The following RASSF3 variants were observed in gnomAD, a reference collection of about 807,000 sequenced individuals.
The protein encoded by RASSF3 is ras association domain-containing protein 3.
In RASSF3, 19 loss-of-function variants were observed where a neutral mutation model predicts 19.9. The ratio of observed to expected loss-of-function variants is 0.96; its 90% CI spans 0.67 to 1.40. The LOEUF is 1.40. Among genes scored for constraint, RASSF3 ranks in the 40% most tolerant of loss-of-function variants. The pLI, the probability that RASSF3 is intolerant of heterozygous loss-of-function variation, is 0.00. For missense variants in RASSF3, 306 were observed against 289.8 expected (o/e 1.06, Z -0.41); for synonymous variants, 110 against 104.2 (o/e 1.06, Z -0.34).
chr12:64,656,724 TG>T (rs1398646788), intron 1 of RASSF3, among the ~76,000 whole-genome samples: 1 of 152,152 alleles, frequency 6.6e-6, no homozygotes, highest in Non-Finnish European at 1.5e-5. Context: ...ACCAGAGAAA[TG>T]GGCCTGCCCG....
chr12:64,589,306 C>T (rs1295771207), intron 2 of RASSF3, among the ~76,000 whole-genome samples: 4 of 151,736 alleles, frequency 2.6e-5, no homozygotes, highest in South Asian at 2.1e-4. Flanking sequence ...AAAAATTAGC[C>T]GGGTGTGGTG....
chr12:64,627,202 C>T (rs1254901913), intron 1 of RASSF3, among the ~76,000 whole-genome samples: 1 of 152,162 alleles, frequency 6.6e-6, no homozygotes, highest in East Asian at 1.9e-4. Context: ...ATTAATGACA[C>T]ATTCTCAGTC....
chr12:64,558,470 G>A (rs1422967270), intron 2 of RASSF3, among the ~76,000 whole-genome samples: 1 of 152,102 alleles, frequency 6.6e-6, no homozygotes, highest in African/African-American at 2.4e-5. Context: ...TTTATGACTT[G>A]GTGGATCTGA....
At chr12:64,534,341 A>G (rs1288064238) in intron 1 of RASSF3, among the ~76,000 whole-genome samples, 6 of 151,920 alleles carry the variant, frequency 3.9e-5, no homozygotes, top group Non-Finnish European at 7.4e-5. Context: ...AACAATAACA[A>G]AAAACTAGCC....
intron 1 of RASSF3, among the ~76,000 whole-genome samples, chr12:64,673,134 A>G (rs1346941533): frequency 1.3e-5 from 2 of 152,168 alleles, no homozygotes; most frequent in Admixed American, 6.5e-5. Context: ...TTGACCTCCA[A>G]ACTTTGACCT....
chr12:64,562,189 C>T lies in RASSF3; in HGVS notation c.294+20484C>T, dbSNP rs376150932. ...CTGGGTAGCTGGGACTACAGGCGTG[C>T]GCCACCGCACCCAGCTAATTTTAGT... On this transcript the variant is annotated intron_variant, in intron 2 of 5. Transcript: ENST00000637125. 4.7e-4 allele frequency among the ~76,000 whole-genome samples: 71 copies of T among 151,922 alleles called. No homozygotes were observed. The East Asian group carries it at 5.6e-3, about 12-fold the overall frequency.
intron 2 of RASSF3, among the ~76,000 whole-genome samples, chr12:64,604,755 A>G (rs890425047): frequency 6.6e-6 from 1 of 150,764 alleles, no homozygotes; most frequent in Non-Finnish European, 1.5e-5. Context: ...CTCCTGCCTC[A>G]GCCTCCCGAG....
intron 2 of RASSF3, among the ~76,000 whole-genome samples, chr12:64,578,435 C>T (rs1869633159): frequency 6.6e-6 from 1 of 152,114 alleles, no homozygotes; most frequent in Admixed American, 6.5e-5. Flanking sequence ...GGGAGGACTG[C>T]TTGAGGCCAG....
intron 1 of RASSF3, among the ~76,000 whole-genome samples, chr12:64,517,205 G>C (rs1027299649): frequency 6.6e-6 from 1 of 151,648 alleles, no homozygotes; most frequent in African/African-American, 2.4e-5. Context: ...GCCTATCAGA[G>C]AAATACTTAA....
intron 1 of RASSF3, among the ~76,000 whole-genome samples, chr12:64,681,002 T>G (rs1873105962): frequency 6.6e-6 from 1 of 152,166 alleles, no homozygotes; most frequent in Admixed American, 6.5e-5. Flanking sequence ...CAGGGAAAAT[T>G]TCTCTTTCCA....
In RASSF3 at chr12:64,659,048, G is replaced by C. The variant is rs1466125170; in HGVS notation, c.112-25739G>C. 1.9e-4 allele frequency among the ~76,000 whole-genome samples: 29 copies of C among 152,174 alleles called. 1 individual carries two copies. The highest frequency in any genetic ancestry group is 1.5e-5 in the Non-Finnish European group (1 of 68,032). Reference sequence around the variant, plus strand: ...TGATTGTGCCACTGCACTCCAGCCTGAGCAACAGAAAAAAGAACAAATTGT... The same window carrying C: ...TGATTGTGCCACTGCACTCCAGCCTCAGCAACAGAAAAAAGAACAAATTGT... On this transcript the variant is annotated intron_variant, in intron 1 of 4. Coordinates refer to ENST00000542104, the MANE Select transcript of RASSF3 (RefSeq NM_178169.4).
intron 1 of RASSF3, chr12:64,541,500 G>A (rs1868933363): frequency 5.0e-6 from 2 of 397,252 alleles, no homozygotes; most frequent in Admixed American, 4.4e-5. Context: ...GCAGGGGAGG[G>A]GGTTCAATTT....
chr12:64,608,961 A>AAATGGGCTTT (rs1382617201), upstream of RASSF3, among the ~76,000 whole-genome samples: 27 of 152,278 alleles, frequency 1.8e-4, no homozygotes, highest in Non-Finnish European at 3.4e-4. Flanking sequence ...AGGACCTTTA[A>AAATGGGCTTT]AATGGGCTGT....
intron 2 of RASSF3, among the ~76,000 whole-genome samples, chr12:64,687,904 G>T (rs1387408208): frequency 6.6e-6 from 1 of 152,068 alleles, no homozygotes; most frequent in Non-Finnish European, 1.5e-5. Context: ...TTGTAACCTC[G>T]CAAATGGACC....
chr12:64,542,449 C>T (rs1411770524), downstream of RASSF3, among the ~76,000 whole-genome samples: 1 of 152,220 alleles, frequency 6.6e-6, no homozygotes, highest in Admixed American at 6.5e-5. Flanking sequence ...AACCTGGTTT[C>T]AGCCAGCACA....
intron 1 of RASSF3, chr12:64,622,723 G>C: frequency 3.8e-6 from 1 of 261,744 alleles, no homozygotes; most frequent in Non-Finnish European, 7.5e-6. Context: ...TTAAAAAGAT[G>C]TGAAGAGTTA....
At chr12:64,535,641 C>T (rs1274022346) in intron 1 of RASSF3, among the ~76,000 whole-genome samples, 1 of 151,358 alleles carries the variant, frequency 6.6e-6, no homozygotes, top group Non-Finnish European at 1.5e-5. Context: ...GCTGGGATTA[C>T]AGGCATGAGG....
At chr12:64,693,163 T>A (rs1011229594) in intron 4 of RASSF3, among the ~76,000 whole-genome samples, 3 of 151,284 alleles carry the variant, frequency 2.0e-5, no homozygotes, top group East Asian at 3.9e-4. Flanking sequence ...TTTTTTTTTT[T>A]TAAATAACCA....
chr12:64,586,323 C>CAA (rs772277001), intron 2 of RASSF3, among the ~76,000 whole-genome samples: 2 of 115,624 alleles, frequency 1.7e-5, no homozygotes, highest in African/African-American at 6.4e-5. Flanking sequence ...GACTCTGTGT[C>CAA]AAAAAAAAAA....
Sources: gnomAD v4.1 joint callset for allele counts (sites outside exome capture counted in the v4.1 genomes callset) on GRCh38, gnomAD v4.1.1 for gene constraint, MANE v1.5 for transcripts, NCBI Gene and HGNC (gene_info 2026-07-23, HGNC 2026-07-21) for gene names.